ST3GAL1: variants seen among roughly 807,000 people sequenced by gnomAD.
ST3GAL1 encodes ST3 beta-galactoside alpha-2,3-sialyltransferase 1.
A neutral mutation model predicts 34.1 loss-of-function variants in ST3GAL1; 16 were observed. The observed-to-expected ratio is 0.47, with a 90% CI of 0.32 to 0.71. The LOEUF is 0.71. Among genes scored for constraint, ST3GAL1 ranks in the 30% least tolerant of loss-of-function variants. The pLI is 0.04. For synonymous variants in ST3GAL1, 191 were observed against 184.7 expected (o/e 1.03, Z -0.28); for missense variants, 353 against 447.4 (o/e 0.79, Z 1.90).
intron 2 of ST3GAL1, among the ~76,000 whole-genome samples, chr8:133,513,360 T>C (rs1817551903): frequency 6.6e-6 from 1 of 152,232 alleles, no homozygotes; most frequent in East Asian, 1.9e-4. Flanking sequence ...TGCTGGGGCA[T>C]TACACTTACA....
At position 133,464,267 on chromosome 8, in the gene ST3GAL1, C is replaced by T. The variant is rs117891448; in HGVS notation, c.683+511G>A. Among the ~76,000 whole-genome samples, 114 of 152,226 alleles carry T rather than the reference C, an allele frequency of 7.5e-4. 1 individual carries two copies. The East Asian group carries it at 0.012, about 16-fold the overall frequency. On this transcript the variant is annotated intron_variant, in intron 7 of 9. Coordinates refer to ENST00000522652, the MANE Select transcript of ST3GAL1 (RefSeq NM_173344.3). ...GATAATATGTGCCGAGTGCCACGTG[C>T]GGTGTCTGCTCAGGAAACTAAGCTC...
intron 2 of ST3GAL1, among the ~76,000 whole-genome samples, chr8:133,536,335 G>A (rs1279157266): frequency 6.6e-6 from 1 of 152,176 alleles, no homozygotes; most frequent in African/African-American, 2.4e-5. Flanking sequence ...ATATTCGGAT[G>A]CCCTTCAGGA....
rs555946765 is a variant in ST3GAL1 at position 133,543,604 on chromosome 8, A to G, written c.-429+2170T>C. On this transcript the variant is annotated intron_variant, in intron 2 of 9. Coordinates refer to ENST00000522652, the MANE Select transcript of ST3GAL1 (RefSeq NM_173344.3). ...TTTATATAAAAATAAAATAATTGAA[A>G]AAAATTAAAAATGGAAACGAATGCT... is the stretch of plus-strand genomic sequence containing the variant. Among the ~76,000 whole-genome samples the G allele has an allele frequency of 1.3e-3, 195 of 152,284 alleles. 1 individual carries two copies. Among genetic ancestry groups the G allele is most frequent in the African/African-American group, 4.5e-3 (186 of 41,576 alleles).
chr8:133,530,438 C>A (rs28416133), intron 2 of ST3GAL1, among the ~76,000 whole-genome samples: 1 of 152,092 alleles, frequency 6.6e-6, no homozygotes, highest in South Asian at 2.1e-4. Flanking sequence ...TGTGCCACCA[C>A]GCTGAGTTAA....
intron 2 of ST3GAL1, among the ~76,000 whole-genome samples, chr8:133,511,012 GC>G (rs1374186412): frequency 2.0e-5 from 3 of 152,290 alleles, no homozygotes; most frequent in East Asian, 3.9e-4. Context: ...AAACAGAAGT[GC>G]TTGTAGCCAT....
At chr8:133,509,768 T>A (rs1303048878) in intron 2 of ST3GAL1, among the ~76,000 whole-genome samples, 2 of 152,058 alleles carry the variant, frequency 1.3e-5, no homozygotes, top group African/African-American at 2.4e-5. Context: ...CAAAAATTAG[T>A]GAAGGAGGAC....
At chr8:133,565,478 G>C (rs1008753572) in intron 1 of ST3GAL1, among the ~76,000 whole-genome samples, 2 of 152,042 alleles carry the variant, frequency 1.3e-5, no homozygotes, top group Admixed American at 1.3e-4. Flanking sequence ...ACTTCTTCTG[G>C]GGGTGGTAAA....
chr8:133,481,901 A>G (rs1816409851), intron 3 of ST3GAL1, among the ~76,000 whole-genome samples: 2 of 151,982 alleles, frequency 1.3e-5, no homozygotes, highest in African/African-American at 4.8e-5. Context: ...GAAGGCACAG[A>G]GCACATGTTC....
intron 2 of ST3GAL1, among the ~76,000 whole-genome samples, chr8:133,543,793 ACAT>A (rs76541813): frequency 0.25 from 38,120 of 151,198 alleles, 5,354 homozygotes; most frequent in East Asian, 0.61. Context: ...ATCACTGTTA[ACAT>A]CATCATCATC....
intron 2 of ST3GAL1, among the ~76,000 whole-genome samples, chr8:133,523,726 G>A (rs925738187): frequency 2.0e-4 from 31 of 152,208 alleles, no homozygotes; most frequent in African/African-American, 7.2e-4. Context: ...GCTTCTTGCT[G>A]GAGAACAAGT....
At chr8:133,519,294 T>A (rs1330719187) in intron 2 of ST3GAL1, among the ~76,000 whole-genome samples, 4 of 152,134 alleles carry the variant, frequency 2.6e-5, no homozygotes, top group Non-Finnish European at 5.9e-5. Flanking sequence ...CCTCATGCCC[T>A]GTGAGTGAAA....
chr8:133,459,987 C>T lies in ST3GAL1; in HGVS notation c.850-50G>A. The T allele has an allele frequency of 6.5e-7, 1 of 1,548,336 alleles. No individual in the cohort carries two copies. The highest frequency in any genetic ancestry group is 8.7e-7 in the Non-Finnish European group (1 of 1,143,012). On this transcript the variant is annotated intron_variant, in intron 9 of 9. Coordinates refer to ENST00000522652, the MANE Select transcript of ST3GAL1 (RefSeq NM_173344.3). The surrounding 1 kb of genome is among the most constrained non-coding windows in gnomAD (Gnocchi z 4.7). ...AACCAGACAGCAGGGCTGCTGGTGG[C>T]ACCTCTGAGAAAGGAAGCCTGTAGG...
intron 2 of ST3GAL1, among the ~76,000 whole-genome samples, chr8:133,499,788 G>A (rs190874926): frequency 6.6e-6 from 1 of 152,308 alleles, no homozygotes; most frequent in Non-Finnish European, 1.5e-5. Flanking sequence ...GTACTAAGGG[G>A]AGCAAGGGCA....
rs1050241514 is a variant in ST3GAL1 at position 133,467,615 on chromosome 8, T to C, written c.307-1525A>G. 5.3e-5 allele frequency among the ~76,000 whole-genome samples: 8 copies of C among 152,112 alleles called. No homozygotes were observed. Among genetic ancestry groups the C allele is most frequent in the African/African-American group, 1.9e-4 (8 of 41,422 alleles). The stretch of plus-strand genomic sequence containing the variant: ...CTTGGCCTTTGGAAAGCCCAGACCC[T>C]GGATTTTGGGGTAGGGGTGATAAGC... On this transcript the variant is annotated intron_variant, in intron 5 of 9. Transcript: ENST00000522652. The surrounding 1 kb of genome is among the most constrained non-coding windows in gnomAD (Gnocchi z 4.2).
chr8:133,505,899 C>T (rs1375105834), intron 2 of ST3GAL1, among the ~76,000 whole-genome samples: 1 of 152,208 alleles, frequency 6.6e-6, no homozygotes, highest in African/African-American at 2.4e-5. Context: ...CTGCACTCAC[C>T]TGCTATTTCT....
intron 2 of ST3GAL1, among the ~76,000 whole-genome samples, chr8:133,507,922 A>G (rs768243554): frequency 2.4e-4 from 36 of 152,034 alleles, no homozygotes; most frequent in Non-Finnish European, 4.3e-4. Context: ...TGCTGTGACT[A>G]TTGGCTGCTG....
intron 2 of ST3GAL1, among the ~76,000 whole-genome samples, chr8:133,534,516 T>C (rs569264949): frequency 1.5e-4 from 23 of 152,296 alleles, no homozygotes; most frequent in Admixed American, 1.5e-3. Flanking sequence ...CAGGGTGTGT[T>C]TGCCTAAGTT....
chr8:133,510,111 T>C (rs948233587), intron 2 of ST3GAL1, among the ~76,000 whole-genome samples: 2 of 150,986 alleles, frequency 1.3e-5, no homozygotes, highest in South Asian at 2.1e-4. Flanking sequence ...CACACTTCTC[T>C]CTGGAAACTT....
At chr8:133,471,251 T>C (rs1430902445) in intron 5 of ST3GAL1, among the ~76,000 whole-genome samples, 1 of 152,182 alleles carries the variant, frequency 6.6e-6, no homozygotes, top group African/African-American at 2.4e-5. Context: ...AATAAGTGAA[T>C]GACAACTGCT....
Sources: gnomAD v4.1 joint callset for allele counts (sites outside exome capture counted in the v4.1 genomes callset) on GRCh38, gnomAD v4.1.1 for gene constraint, Gnocchi (gnomAD v3.1) non-coding constraint, MANE v1.5 for transcripts, NCBI Gene and HGNC (gene_info 2026-07-23, HGNC 2026-07-21) for gene names.